The following RBM39 variants were observed in gnomAD, a reference collection of about 807,000 sequenced individuals.
The protein encoded by RBM39 is RNA binding motif protein 39, also known as RNA-binding protein 39.
A neutral mutation model predicts 79.6 loss-of-function variants in RBM39; 12 were observed. The observed-to-expected ratio is 0.15, with a 90% confidence interval of 0.10 to 0.24. The LOEUF (loss-of-function observed/expected upper bound fraction) is 0.24. Among genes scored for constraint, RBM39 ranks in the 10% least tolerant of loss-of-function variants. The pLI is 1.00. For missense variants in RBM39, 243 were observed against 653.4 expected, an observed-to-expected ratio of 0.37 and a Z score of 6.85; for synonymous variants, 185 against 208.4, an observed-to-expected ratio of 0.89 and a Z score of 0.97.
chr20:35,716,655 G>C lies in RBM39; in HGVS notation c.891+85C>G, dbSNP rs532775999. The C allele has an allele frequency of 1.8e-4, 148 of 817,428 alleles. 4 individuals are homozygous for C. In the South Asian group the frequency reaches 2.3e-3, roughly 13 times the overall value. The allele number at this position is 817,428 out of a possible 1,614,324, so 50.6% of individuals were successfully genotyped here. On this transcript the variant is annotated intron_variant, in intron 10 of 16. Transcript: ENST00000253363. ...AAGGTGGGACATCATTTAAGGCCAG[G>C]AGCTAGAGACTAATCTGAGCAACAC... is the stretch of plus-strand genomic sequence containing the variant.
chr20:35,709,191 A>G (rs1326574261), intron 13 of RBM39, 33 bp downstream of exon 13: 1 of 1,552,846 alleles, frequency 6.4e-7, no homozygotes, highest in Non-Finnish European at 8.7e-7. Flanking sequence ...TATTTCAAAG[A>G]CAAAAATAAA....
intron 12 of RBM39, among the ~76,000 whole-genome samples, chr20:35,709,864 A>G (rs2036180740): frequency 6.6e-6 from 1 of 152,190 alleles, no homozygotes; most frequent in Non-Finnish European, 1.5e-5. Flanking sequence ...GGGCAACTTG[A>G]TTATTGATTT....
chr20:35,739,143 T>A, intron 2 of RBM39, 126 bp from the exon 3 acceptor site: 1 of 847,942 alleles, frequency 1.2e-6, no homozygotes, highest in Non-Finnish European at 1.9e-6. Flanking sequence ...ACTTATAGTT[T>A]AACATGGAAG....
chr20:35,706,551 AAT>A (rs59142512), intron 14 of RBM39, among the ~76,000 whole-genome samples: 15,265 of 152,184 alleles, frequency 0.1, 807 homozygotes, highest in South Asian at 0.15. Flanking sequence ...CTATATTATA[AAT>A]ATGATTTATA....
At chr20:35,713,664 C>A (rs895615789) in intron 11 of RBM39, 9 of 41,322 alleles carry the variant, frequency 2.2e-4, no homozygotes, top group African/African-American at 8.0e-4. Flanking sequence ...AACCAACCAA[C>A]ACAAAAAAAA....
At chr20:35,712,655 T>G (rs1300161332) in intron 12 of RBM39, among the ~76,000 whole-genome samples, 4 of 152,228 alleles carry the variant, frequency 2.6e-5, no homozygotes, top group African/African-American at 9.6e-5. Flanking sequence ...TACAATAGTT[T>G]TAAGTAAAGC....
intron 9 of RBM39, among the ~76,000 whole-genome samples, chr20:35,721,087 C>A (rs1047652068): frequency 2.0e-5 from 3 of 151,994 alleles, no homozygotes. Flanking sequence ...AACACAGAGA[C>A]GCACCAACAC....
intron 6 of RBM39, among the ~76,000 whole-genome samples, chr20:35,728,752 G>C (rs2039037865): frequency 6.6e-6 from 1 of 152,106 alleles, no homozygotes; most frequent in African/African-American, 2.4e-5. Flanking sequence ...ACTCCAGCCT[G>C]GGTGACAGAG....
intron 9 of RBM39, among the ~76,000 whole-genome samples, chr20:35,717,935 T>C (rs1364735176): frequency 1.3e-5 from 2 of 152,096 alleles, no homozygotes; most frequent in Non-Finnish European, 2.9e-5. Flanking sequence ...CTTGGCTCAC[T>C]GCGAGCTCTG....
At chr20:35,732,208 G>A in intron 3 of RBM39, 73 bp from the exon 4 acceptor site, 1 of 1,329,162 alleles carries the variant, frequency 7.5e-7, no homozygotes, top group Non-Finnish European at 1.1e-6. Context: ...TTTATGGCCA[G>A]AATCATTTTT....
At position 35,740,967 on chromosome 20, in the gene RBM39, C is replaced by T. The variant is rs534283899; in HGVS notation, c.-13-80G>A. The stretch of plus-strand genomic sequence containing the variant: ...CAAGTTTCACTCTTGTTGCCTATAT[C>T]GTCTAACATTTTCTCTAAACGCCTA... On this transcript the variant is annotated intron_variant, in intron 1 of 16. Transcript: ENST00000253363. The T allele has an allele frequency of 4.5e-5, 39 of 868,490 alleles. 1 individual carries two copies. In the South Asian group the frequency reaches 5.4e-4, roughly 12 times the overall value. 53.8% of individuals were successfully genotyped at this position (868,490 alleles called of 1,614,324 possible).
At chr20:35,716,591 C>CA in intron 10 of RBM39, 149 bp downstream of exon 10, 1 of 635,280 alleles carries the variant, frequency 1.6e-6, no homozygotes, top group African/African-American at 1.9e-5. Flanking sequence ...TGATCGGACA[C>CA]AGAGGCTCAG....
Position 35,703,432 on chromosome 20 carries a change from A to G in RBM39, c.*1049T>C, listed in dbSNP as rs1047057880. 6.6e-6 allele frequency: 1 copy of G among 152,174 alleles called. No individual in the cohort carries two copies. Among genetic ancestry groups the G allele is most frequent in the Non-Finnish European group, 1.5e-5 (1 of 68,040 alleles). The allele number at this position is 152,174 out of a possible 1,614,324, so 9.4% of individuals were successfully genotyped here. A position where few individuals can be genotyped will look rare whatever the true frequency, so the allele number is the denominator to read the frequency against. On this transcript the variant is annotated 3_prime_UTR_variant, in exon 17 of 17. Transcript: ENST00000253363. Reference sequence around the variant, plus strand: ...CTCAGTTTTGATACATTCTTCTAAAATACACAGGGCTAGACTCTAATAGAA... The same window carrying G: ...CTCAGTTTTGATACATTCTTCTAAAGTACACAGGGCTAGACTCTAATAGAA...
chr20:35,719,844 G>T (rs938217672), intron 9 of RBM39, among the ~76,000 whole-genome samples: 4 of 151,802 alleles, frequency 2.6e-5, no homozygotes, highest in Non-Finnish European at 5.9e-5. Flanking sequence ...TTATCCAGGC[G>T]TGATCTCGGC....
chr20:35,704,637 A>G (rs1568978474), intron 16 of RBM39, 31 bp downstream of exon 16: 1 of 1,611,914 alleles, frequency 6.2e-7, no homozygotes, highest in African/African-American at 1.3e-5. Context: ...AGCCTTAATA[A>G]CAATCAGTCA....
chr20:35,740,711 T>C (rs2146763536), intron 2 of RBM39, 113 bp downstream of exon 2: 2 of 1,321,830 alleles, frequency 1.5e-6, no homozygotes, highest in East Asian at 4.7e-5. Context: ...AATGCATCTC[T>C]GATAAGATAA....
intron 3 of RBM39, chr20:35,734,677 T>C: frequency 1.9e-6 from 1 of 534,916 alleles, no homozygotes; most frequent in Admixed American, 4.0e-5. Context: ...TAGGACTTTT[T>C]GTAAACAAGT....
intron 6 of RBM39, among the ~76,000 whole-genome samples, chr20:35,728,751 T>C (rs759469374): frequency 6.6e-6 from 1 of 152,094 alleles, no homozygotes; most frequent in Non-Finnish European, 1.5e-5. Context: ...CACTCCAGCC[T>C]GGGTGACAGA....
chr20:35,735,633 T>G (rs1000147554), intron 3 of RBM39, among the ~76,000 whole-genome samples: 8 of 152,240 alleles, frequency 5.3e-5, no homozygotes, highest in Non-Finnish European at 1.0e-4. Context: ...ATGTTTTATA[T>G]CTATTCCTAA....
Sources: allele counts gnomAD v4.1 joint callset (sites outside exome capture counted in the v4.1 genomes callset), GRCh38; gene constraint gnomAD v4.1.1; transcripts MANE v1.5; gene names NCBI Gene and HGNC (gene_info 2026-07-23, HGNC 2026-07-21).